PTPDC1: variants seen among roughly 807,000 people sequenced by gnomAD.
PTPDC1 encodes protein tyrosine phosphatase domain containing 1.
Under a neutral mutation model 75.3 loss-of-function variants are expected in PTPDC1, and 53 were observed. The observed-to-expected ratio is 0.70, with a 90% CI of 0.56 to 0.88. The LOEUF is 0.88. Among genes scored for constraint, PTPDC1 ranks in the 40% least tolerant of loss-of-function variants. The pLI, the probability that PTPDC1 is intolerant of heterozygous loss-of-function variation, is 0.00. For missense variants in PTPDC1, 925 were observed against 998.6 expected (o/e 0.93, Z 0.99); for synonymous variants, 349 against 366.2 (o/e 0.95, Z 0.54).
In PTPDC1 at chr9:94,097,471, G is replaced by T. The variant is rs1399721923; in HGVS notation, c.905G>T (p.Arg302Leu). ...REFTQFLTPL[R>L]NIFSCCDPKA... ...TTTACTCAGTTTCTAACTCCTCTCCGCAATATATTCTCTTGCTGTGATCCC... is the reference window on the plus strand; with the variant it reads ...TTTACTCAGTTTCTAACTCCTCTCCTCAATATATTCTCTTGCTGTGATCCC... The change falls in exon 6 of 9, where the codon CGC becomes CTC. Residue 302 changes from arginine (R) to leucine (L), a missense_variant. Physicochemically the swap from Arg to Leu is moderately radical, Grantham distance 102 (BLOSUM62 -2). Transcript: ENST00000620992. The T allele has an allele frequency of 6.2e-7, 1 of 1,614,060 alleles. No homozygotes were observed. Among genetic ancestry groups the T allele is most frequent in the Non-Finnish European group, 8.5e-7 (1 of 1,180,000 alleles).
Position 94,098,678 on chromosome 9 carries a change from TG to T in PTPDC1, c.2013+100del, listed in dbSNP as rs766299113. The T allele has an allele frequency of 9.7e-6, 10 of 1,034,178 alleles. No homozygotes were observed. In the East Asian group the frequency reaches 2.3e-4, roughly 24 times the overall value. The allele number at this position is 1,034,178 out of a possible 1,614,324, so 64.1% of individuals were successfully genotyped here. On this transcript the variant is annotated intron_variant, in intron 6 of 8. Coordinates refer to ENST00000620992, the MANE Select transcript of PTPDC1 (RefSeq NM_001253829.2). Reference sequence around the variant, plus strand: ...CCCAAACTTATTTATTATAGAAATGTGAAGATACGTTTGCATAATACTTTCT... The same window carrying T: ...CCCAAACTTATTTATTATAGAAATGTAAGATACGTTTGCATAATACTTTCT...
At chr9:94,043,867 T>G (rs1825507795) in intron 1 of PTPDC1, among the ~76,000 whole-genome samples, 1 of 152,246 alleles carries the variant, frequency 6.6e-6, no homozygotes, top group Non-Finnish European at 1.5e-5. Flanking sequence ...TGAGGTTGAA[T>G]TCACTTCATA....
chr9:94,088,984 A>C (rs906116322), intron 4 of PTPDC1, among the ~76,000 whole-genome samples: 34 of 152,116 alleles, frequency 2.2e-4, no homozygotes, highest in African/African-American at 8.2e-4. Flanking sequence ...TGACTTTATT[A>C]ATTTGTAATT....
chr9:94,044,661 G>A (rs1463906461), intron 1 of PTPDC1, among the ~76,000 whole-genome samples: 3 of 151,916 alleles, frequency 2.0e-5, no homozygotes, highest in African/African-American at 7.3e-5. Flanking sequence ...GGACAACCAT[G>A]AAAGACAATT....
intron 2 of PTPDC1, among the ~76,000 whole-genome samples, chr9:94,076,184 G>A (rs1826679387): frequency 6.6e-6 from 1 of 152,098 alleles, no homozygotes; most frequent in Admixed American, 6.6e-5. Flanking sequence ...ATTTTTCATG[G>A]AGACAGGGTT....
intron 1 of PTPDC1, among the ~76,000 whole-genome samples, chr9:94,050,859 AC>A (rs1825766558): frequency 6.6e-6 from 1 of 152,136 alleles, no homozygotes; most frequent in African/African-American, 2.4e-5. Context: ...ACTGGGCTCC[AC>A]CCAGTTCGAG....
intron 2 of PTPDC1, among the ~76,000 whole-genome samples, chr9:94,068,265 G>T (rs1201787402): frequency 6.6e-6 from 1 of 152,110 alleles, no homozygotes; most frequent in Non-Finnish European, 1.5e-5. Context: ...CCCCATTCAA[G>T]TTTTGTCAGC....
At chr9:94,032,250 A>G (rs1292683932) in intron 1 of PTPDC1, among the ~76,000 whole-genome samples, 1 of 152,192 alleles carries the variant, frequency 6.6e-6, no homozygotes, top group Non-Finnish European at 1.5e-5. Flanking sequence ...TTAAAAATGC[A>G]AAATCTCAGC....
chr9:94,080,497 T>G (rs1214659811), upstream of PTPDC1, among the ~76,000 whole-genome samples: 2 of 152,186 alleles, frequency 1.3e-5, no homozygotes, highest in Non-Finnish European at 2.9e-5. Flanking sequence ...CACTGTCCAC[T>G]GAGAGGGCCT....
chr9:94,031,908 G>A (rs1829735174), intron 1 of PTPDC1, among the ~76,000 whole-genome samples: 1 of 152,108 alleles, frequency 6.6e-6, no homozygotes, highest in Admixed American at 6.5e-5. Context: ...ATTGAGAACC[G>A]GAAAACTCCG....
chr9:94,038,265 CA>C, intron 1 of PTPDC1: 3 of 878,744 alleles, frequency 3.4e-6, no homozygotes, highest in African/African-American at 1.6e-5. Context: ...ATCCCTGGAA[CA>C]AAAATGATCT....
intron 7 of PTPDC1, among the ~76,000 whole-genome samples, chr9:94,102,613 C>T (rs1430038558): frequency 6.6e-6 from 1 of 151,958 alleles, no homozygotes; most frequent in Non-Finnish European, 1.5e-5. Context: ...TAGTTTTGCT[C>T]TTGTTGCCCA....
At chr9:94,074,807 C>A in intron 2 of PTPDC1, among the ~76,000 whole-genome samples, 1 of 152,190 alleles carries the variant, frequency 6.6e-6, no homozygotes, top group Non-Finnish European at 1.5e-5. Flanking sequence ...CTGCACTGTT[C>A]AGTCTTGTGG....
intron 2 of PTPDC1, among the ~76,000 whole-genome samples, chr9:94,070,407 CT>C (rs1374197806): frequency 2.0e-5 from 3 of 152,142 alleles, no homozygotes; most frequent in Admixed American, 6.5e-5. Flanking sequence ...CTTGCTTAGG[CT>C]TTATGTATGG....
chr9:94,072,815 T>C (rs1056744211), intron 2 of PTPDC1, among the ~76,000 whole-genome samples: 3 of 152,164 alleles, frequency 2.0e-5, no homozygotes, highest in Admixed American at 2.0e-4. Flanking sequence ...GTTGGTGTGG[T>C]GGATTATATT....
At chr9:94,091,437 T>C (rs1326763260) in intron 4 of PTPDC1, among the ~76,000 whole-genome samples, 1 of 152,044 alleles carries the variant, frequency 6.6e-6, no homozygotes, top group East Asian at 1.9e-4. Flanking sequence ...TGAAGCCCAG[T>C]TGATCATGGT....
chr9:94,035,990 C>G (rs942815100), intron 1 of PTPDC1, among the ~76,000 whole-genome samples: 4 of 147,352 alleles, frequency 2.7e-5, no homozygotes, highest in African/African-American at 1.0e-4. Context: ...AATGTCTGTT[C>G]AGGTCCTTTG....
chr9:94,067,416 A>G (rs1170200450), intron 2 of PTPDC1, among the ~76,000 whole-genome samples: 3 of 151,816 alleles, frequency 2.0e-5, no homozygotes, highest in Admixed American at 1.3e-4. Context: ...AATAATAATA[A>G]TAAACCACAT....
chr9:94,097,877 CCT>C lies in PTPDC1; in HGVS notation c.1312_1313del (p.Leu438AspfsTer11). 1.2e-6 allele frequency: 2 copies of C among 1,614,124 alleles called. No individual in the cohort carries two copies. Among genetic ancestry groups the C allele is most frequent in the Non-Finnish European group, 1.7e-6 (2 of 1,180,022 alleles). ...KRRNVECLQPLTHLKRRLSYS... is the reference protein window; with the variant it reads ...KRRNVECLQPXTHLKRRLSYS... Reference sequence around the variant, plus strand: ...GGCGGAATGTTGAGTGCCTTCAACCCCTGACTCATCTGAAAAGGCGGCTCAGC... The same window carrying C: ...GGCGGAATGTTGAGTGCCTTCAACCCGACTCATCTGAAAAGGCGGCTCAGC... On this transcript the variant is annotated frameshift_variant, in exon 6 of 9. Transcript: ENST00000620992. LOFTEE classifies it high-confidence loss of function.
Sources: allele counts gnomAD v4.1 joint callset (sites outside exome capture counted in the v4.1 genomes callset), GRCh38; gene constraint gnomAD v4.1.1; transcripts MANE v1.5; gene names NCBI Gene and HGNC (gene_info 2026-07-23, HGNC 2026-07-21).